Variants in IL1RAPL1 observed in about 807,000 individuals in gnomAD.
The protein encoded by IL1RAPL1 is interleukin 1 receptor accessory protein like 1.
A neutral mutation model predicts 48.4 loss-of-function variants in IL1RAPL1; 3 were observed. The observed-to-expected ratio is 0.06, with a 90% CI of 0.03 to 0.16. The LOEUF is 0.16. IL1RAPL1 is among the 10% of genes least tolerant of loss of function. The probability of loss-of-function intolerance (pLI) is 1.00; values close to 1 mark genes in which losing one functional copy is unlikely to be tolerated. For missense variants in IL1RAPL1, 349 were observed against 530.6 expected (o/e 0.66, Z 3.36); for synonymous variants, 185 against 187.7 (o/e 0.99, Z 0.12).
At chrX:28,670,153 G>A (rs1934933704) in intron 1 of IL1RAPL1, among the ~76,000 whole-genome samples, 1 of 111,616 alleles carries the variant, frequency 9.0e-6, no homozygotes, top group African/African-American at 3.3e-5. Context: ...TAGGCAAACT[G>A]GGACAAGTTG....
chrX:29,386,938 T>C (rs1933785975), intron 3 of IL1RAPL1, among the ~76,000 whole-genome samples: 1 of 112,468 alleles, frequency 8.9e-6, no homozygotes, highest in Admixed American at 9.4e-5. Context: ...TGCATCGCCA[T>C]TGCTGGGCTT....
At chrX:28,934,001 G>A (rs1369225992) in intron 2 of IL1RAPL1, among the ~76,000 whole-genome samples, 2 of 111,015 alleles carry the variant, frequency 1.8e-5, no homozygotes, top group Admixed American at 9.6e-5. Flanking sequence ...TGCCATCTTC[G>A]GTTTGGTGGG....
intron 5 of IL1RAPL1, among the ~76,000 whole-genome samples, chrX:29,618,359 T>A (rs567618561): frequency 9.8e-5 from 11 of 111,843 alleles, no homozygotes; most frequent in East Asian, 5.6e-4. Context: ...TAATCCTAGA[T>A]GGATTAGTTT....
chrX:29,102,236 T>A (rs1479599151), intron 2 of IL1RAPL1, among the ~76,000 whole-genome samples: 1 of 111,247 alleles, frequency 9.0e-6, no homozygotes, highest in Admixed American at 9.5e-5. Flanking sequence ...ATAGAAAAAA[T>A]TGAAAGCCTT....
intron 2 of IL1RAPL1, among the ~76,000 whole-genome samples, chrX:28,900,895 C>G (rs1452348377): frequency 1.8e-5 from 2 of 111,943 alleles, no homozygotes; most frequent in African/African-American, 6.5e-5. Flanking sequence ...GGGAAAATCA[C>G]TAACTTACTG....
chrX:29,678,860 C>T (rs777950436), intron 6 of IL1RAPL1, among the ~76,000 whole-genome samples: 4 of 110,324 alleles, frequency 3.6e-5, no homozygotes, highest in African/African-American at 9.9e-5. Context: ...TACCTCCCAC[C>T]GCTAGATCTG....
Position 28,997,347 on chromosome X carries a change from A to T in IL1RAPL1, c.82+207922A>T, listed in dbSNP as rs367816552. 2.1e-4 allele frequency among the ~76,000 whole-genome samples: 23 copies of T among 111,786 alleles called. 1 individual carries two copies. In the East Asian group the frequency reaches 6.2e-3, roughly 30 times the overall value. ...ATTAAATCAGAAGGTGCACATATGG[A>T]TATGCTTATTAGTAAGATAACTCTA... On this transcript the variant is annotated intron_variant, in intron 2 of 10. Transcript: ENST00000378993.
intron 2 of IL1RAPL1, among the ~76,000 whole-genome samples, chrX:29,202,708 G>A (rs185435855): frequency 3.0e-4 from 34 of 111,998 alleles, no homozygotes; most frequent in Admixed American, 2.7e-3. Flanking sequence ...GTCCTTTCCA[G>A]CAACATGGAT....
At chrX:29,609,517 C>T (rs1474168495) in intron 5 of IL1RAPL1, among the ~76,000 whole-genome samples, 1 of 111,763 alleles carries the variant, frequency 8.9e-6, no homozygotes, top group Admixed American at 9.5e-5. Flanking sequence ...TGTCTTGGCT[C>T]AAGTACCATC....
intron 5 of IL1RAPL1, among the ~76,000 whole-genome samples, chrX:29,406,345 C>T (rs926453438): frequency 1.2e-4 from 13 of 108,822 alleles, no homozygotes; most frequent in Admixed American, 1.1e-3. Flanking sequence ...GCCGAAATCG[C>T]GACACTGCAC....
intron 1 of IL1RAPL1, among the ~76,000 whole-genome samples, chrX:28,603,173 T>C (rs1485179214): frequency 8.9e-6 from 1 of 111,988 alleles, no homozygotes; most frequent in Non-Finnish European, 1.9e-5. Flanking sequence ...ATCATCACCA[T>C]TGTCTCCATC....
At chrX:28,710,819 C>T (rs1015484761) in intron 1 of IL1RAPL1, among the ~76,000 whole-genome samples, 10 of 111,859 alleles carry the variant, frequency 8.9e-5, no homozygotes, top group Non-Finnish European at 1.1e-4. Context: ...TTGAAACCTG[C>T]GGAATATTTC....
At chrX:28,785,640 A>G (rs1936466316) in intron 1 of IL1RAPL1, among the ~76,000 whole-genome samples, 1 of 110,923 alleles carries the variant, frequency 9.0e-6, no homozygotes, top group Non-Finnish European at 1.9e-5. Context: ...CTTTATCTGT[A>G]CTTCCTTCTT....
intron 2 of IL1RAPL1, among the ~76,000 whole-genome samples, chrX:28,830,723 T>A (rs1921021709): frequency 9.0e-6 from 1 of 110,805 alleles, no homozygotes; most frequent in Non-Finnish European, 1.9e-5. Flanking sequence ...TGTGTATGTG[T>A]CTCAAATTTT....
intron 1 of IL1RAPL1, among the ~76,000 whole-genome samples, chrX:28,657,277 C>T (rs2146906956): frequency 9.0e-6 from 1 of 111,729 alleles, no homozygotes; most frequent in South Asian, 3.8e-4. Flanking sequence ...AAGATGTTTG[C>T]TCTTAATTTT....
intron 2 of IL1RAPL1, among the ~76,000 whole-genome samples, chrX:29,281,922 G>A (rs1348237023): frequency 9.0e-6 from 1 of 111,678 alleles, no homozygotes; most frequent in Admixed American, 9.5e-5. Context: ...CAGCCAATTT[G>A]GTTTCTGGCT....
intron 2 of IL1RAPL1, among the ~76,000 whole-genome samples, chrX:29,045,696 G>A (rs1396747713): frequency 1.8e-5 from 2 of 110,999 alleles, no homozygotes; most frequent in African/African-American, 6.6e-5. Context: ...GGAAGAGCTG[G>A]GCATATAGGC....
chrX:29,408,452 T>C (rs776106820), intron 5 of IL1RAPL1, among the ~76,000 whole-genome samples: 1 of 111,052 alleles, frequency 9.0e-6, no homozygotes, highest in African/African-American at 3.3e-5. Flanking sequence ...ATTTCTAGGG[T>C]CAGATCATAG....
chrX:29,451,528 A>G (rs1229602088), intron 5 of IL1RAPL1, among the ~76,000 whole-genome samples: 3 of 111,563 alleles, frequency 2.7e-5, no homozygotes, highest in Non-Finnish European at 5.6e-5. Context: ...TTTAATTGGT[A>G]ATTTTACAGT....
Sources: gnomAD v4.1 joint callset for allele counts (sites outside exome capture counted in the v4.1 genomes callset) on GRCh38, gnomAD v4.1.1 for gene constraint, MANE v1.5 for transcripts, NCBI Gene and HGNC (gene_info 2026-07-23, HGNC 2026-07-21) for gene names.